Variants in SLIT3 observed in about 807,000 individuals in gnomAD.
SLIT3 encodes the protein slit homolog 3 protein.
In SLIT3, 68 loss-of-function variants were observed where a neutral mutation model predicts 184.0. That is an observed-to-expected ratio of 0.37 (90% CI 0.30 to 0.45). The LOEUF (loss-of-function observed/expected upper bound fraction) is 0.45, where lower values mean the gene tolerates loss of function less well. Ranked by LOEUF, SLIT3 falls within the 20% of genes least tolerant of loss-of-function variation. The pLI is 1.00. For synonymous variants in SLIT3, 831 were observed against 828.6 expected, an observed-to-expected ratio of 1.00 and a Z score of -0.05; for missense variants, 1,707 against 2,026.0, an observed-to-expected ratio of 0.84 and a Z score of 3.02.
chr5:168,698,002 T>A (rs1762110425), intron 27 of SLIT3, among the ~76,000 whole-genome samples: 1 of 152,188 alleles, frequency 6.6e-6, no homozygotes, highest in African/African-American at 2.4e-5. Context: ...CTCCCTGTCT[T>A]CATTGGAAAC....
chr5:168,907,907 GATCT>G (rs1393209813), intron 4 of SLIT3, among the ~76,000 whole-genome samples: 16 of 68,990 alleles, frequency 2.3e-4, no homozygotes, highest in African/African-American at 5.8e-4. Flanking sequence ...TATATATATA[GATCT>G]ATCTATATCT....
chr5:168,920,826 G>A (rs1761612404), intron 4 of SLIT3, among the ~76,000 whole-genome samples: 1 of 151,954 alleles, frequency 6.6e-6, no homozygotes. Flanking sequence ...TAAAAAACAG[G>A]AATCAGAAAT....
At chr5:169,150,601 T>A (rs1561699059) in intron 4 of SLIT3, among the ~76,000 whole-genome samples, 1 of 152,126 alleles carries the variant, frequency 6.6e-6, no homozygotes, top group Non-Finnish European at 1.5e-5. Flanking sequence ...CAGTAATGTC[T>A]GTTTTAATCG....
chr5:169,263,743 C>G (rs772149926), intron 1 of SLIT3: 1 of 500,420 alleles, frequency 2.0e-6, no homozygotes, highest in Non-Finnish European at 4.0e-6. Flanking sequence ...GCTGGCTTCT[C>G]CCTTCCCTGA....
intron 4 of SLIT3, among the ~76,000 whole-genome samples, chr5:168,939,098 A>T (rs1382169495): frequency 6.6e-6 from 1 of 152,178 alleles, no homozygotes. Context: ...CCTTGGGAGA[A>T]GCATGCGAGG....
chr5:168,722,221 T>C, intron 23 of SLIT3, 35 bp downstream of exon 23: 4 of 1,597,736 alleles, frequency 2.5e-6, no homozygotes, highest in Non-Finnish European at 3.4e-6. Context: ...CACTCAGCAA[T>C]GTGTAAGTCA....
At chr5:169,085,123 G>A (rs1334162049) in intron 4 of SLIT3, among the ~76,000 whole-genome samples, 2 of 152,176 alleles carry the variant, frequency 1.3e-5, no homozygotes, top group Admixed American at 6.5e-5. Context: ...TAGACTCCAG[G>A]TTTCTTTCTT....
chr5:168,746,425 G>A (rs889208244), intron 20 of SLIT3, among the ~76,000 whole-genome samples: 5 of 127,858 alleles, frequency 3.9e-5, no homozygotes, highest in Admixed American at 7.8e-5. Context: ...TGTGAGTGTG[G>A]TGGTGTGTGG....
chr5:168,673,408 G>T, intron 32 of SLIT3, 77 bp from the exon 33 acceptor site: 1 of 1,278,948 alleles, frequency 7.8e-7, no homozygotes, highest in South Asian at 1.4e-5. Context: ...CTGTGGACTT[G>T]ACCTGCATTG....
intron 4 of SLIT3, among the ~76,000 whole-genome samples, chr5:168,958,373 C>G (rs967787365): frequency 1.3e-5 from 2 of 152,138 alleles, no homozygotes; most frequent in Non-Finnish European, 2.9e-5. Context: ...ATATTCATGT[C>G]CAGCTGCCAG....
chr5:169,185,695 C>G (rs1763308983), intron 4 of SLIT3, among the ~76,000 whole-genome samples: 1 of 152,154 alleles, frequency 6.6e-6, no homozygotes, highest in Admixed American at 6.5e-5. Flanking sequence ...CTGTGAGTAG[C>G]AGAAAGCACT....
intron 4 of SLIT3, among the ~76,000 whole-genome samples, chr5:168,996,636 G>A (rs933868582): frequency 6.6e-6 from 1 of 152,208 alleles, no homozygotes; most frequent in Non-Finnish European, 1.5e-5. Flanking sequence ...CTCTTGGCTT[G>A]TAGACATTTC....
At chr5:169,191,219 T>C (rs527948424) in intron 4 of SLIT3, among the ~76,000 whole-genome samples, 25 of 152,310 alleles carry the variant, frequency 1.6e-4, no homozygotes, top group African/African-American at 6.0e-4. Context: ...TTTATATCTT[T>C]AGGCCTATAT....
intron 4 of SLIT3, among the ~76,000 whole-genome samples, chr5:168,948,826 G>C (rs191270535): frequency 6.6e-6 from 1 of 152,306 alleles, no homozygotes; most frequent in Non-Finnish European, 1.5e-5. Context: ...AGCACCGCAG[G>C]GCTCTGCTAA....
intron 4 of SLIT3, among the ~76,000 whole-genome samples, chr5:169,069,524 C>T (rs2055911): frequency 0.04 from 6,137 of 152,164 alleles, 167 homozygotes; most frequent in Middle Eastern, 0.082. Flanking sequence ...CCCTGGGTGC[C>T]GAGGGAACTC....
intron 6 of SLIT3, among the ~76,000 whole-genome samples, chr5:168,833,390 T>G (rs1436757533): frequency 6.6e-6 from 1 of 152,198 alleles, no homozygotes; most frequent in Non-Finnish European, 1.5e-5. Context: ...TTGGGCTAAC[T>G]GGGCTCAGCA....
chr5:169,267,697 G>A (rs1475883947), intron 1 of SLIT3, among the ~76,000 whole-genome samples: 27 of 152,166 alleles, frequency 1.8e-4, no homozygotes. Context: ...AACACAAATG[G>A]TCATTCCCAG....
chr5:168,994,275 G>C (rs952002673), intron 4 of SLIT3: 1 of 152,296 alleles, frequency 6.6e-6, no homozygotes, highest in Admixed American at 6.5e-5. Context: ...TGGAGCTGGT[G>C]AAGAGCCTCT....
intron 4 of SLIT3, among the ~76,000 whole-genome samples, chr5:169,151,820 G>C (rs1352023398): frequency 6.6e-6 from 1 of 152,276 alleles, no homozygotes; most frequent in East Asian, 1.9e-4. Context: ...AGGCAGAAGA[G>C]CAAACTGGTG....
Sources: allele counts gnomAD v4.1 joint callset (sites outside exome capture counted in the v4.1 genomes callset), GRCh38; gene constraint gnomAD v4.1.1; transcripts MANE v1.5; gene names NCBI Gene and HGNC (gene_info 2026-07-23, HGNC 2026-07-21).